Variants in CHADL observed in about 807,000 individuals in gnomAD.
The protein encoded by CHADL is chondroadherin-like protein.
Under a neutral mutation model 52.1 loss-of-function variants are expected in CHADL, and 48 were observed. The ratio of observed to expected loss-of-function variants is 0.92; its 90% CI spans 0.73 to 1.17. CHADL has a LOEUF of 1.17. Ranked by LOEUF, CHADL falls within the 50% of genes most tolerant of loss-of-function variation. The probability of loss-of-function intolerance (pLI) is 0.00; values close to 1 mark genes in which losing one functional copy is unlikely to be tolerated. For synonymous variants in CHADL, 498 were observed against 511.2 expected (o/e 0.97, Z 0.35); for missense variants, 977 against 1,035.1 (o/e 0.94, Z 0.77).
Position 41,237,661 on chromosome 22 carries a change from C to T in CHADL, c.1411G>A (p.Gly471Arg), listed in dbSNP as rs1295440099. 2.6e-6 allele frequency: 4 copies of T among 1,543,898 alleles called. No individual in the cohort carries two copies. Among genetic ancestry groups the T allele is most frequent in the Admixed American group, 2.0e-5 (1 of 50,462 alleles). ...TACAGGTAGATCAGGCGGCCCAGCC[C>T]GGCCAGGGCGCCCGCTTCCAGCTCC... The part of the protein sequence containing the change: ...IAELEAGALA[G>R]LGRLIYLYLS... Residue 471 changes from glycine to arginine, a missense_variant, in exon 3 of 6, where the codon GGG (glycine) becomes AGG (arginine). Coordinates refer to ENST00000216241, the MANE Select transcript of CHADL (RefSeq NM_138481.2).
chr22:41,238,551 G>A lies in CHADL; in HGVS notation c.521C>T (p.Pro174Leu), dbSNP rs2032798843. Reference sequence around the variant, plus strand: ...CAGTAGCCCCTGGAAGGCCATGGCGGGCAGGTAAACCAGGGCGTTGTGGGC... The same window carrying A: ...CAGTAGCCCCTGGAAGGCCATGGCGAGCAGGTAAACCAGGGCGTTGTGGGC... ...NLAHNALVYL[P>L]AMAFQGLLRV... Residue 174 changes from proline (P) to leucine (L), a missense_variant, in exon 3 of 6, where the codon CCC becomes CTC. By Grantham distance (98) the Pro-to-Leu change is moderately conservative (BLOSUM62 -3). Coordinates refer to ENST00000216241, the MANE Select transcript of CHADL (RefSeq NM_138481.2). The surrounding 1 kb of genome is among the most constrained non-coding windows in gnomAD (Gnocchi z 4.9). 6.5e-7 allele frequency: 1 copy of A among 1,546,166 alleles called. No homozygotes were observed. Among genetic ancestry groups the A allele is most frequent in the Non-Finnish European group, 8.7e-7 (1 of 1,146,320 alleles).
At chr22:41,229,806 G>C (rs987622910) in intron 5 of CHADL, 76 bp from the exon 6 acceptor site, 6 of 1,355,928 alleles carry the variant, frequency 4.4e-6, no homozygotes, top group East Asian at 5.0e-5. Context: ...CTGGACCCAG[G>C]GTGTTTCCCA....
Position 41,238,044 on chromosome 22 carries a change from C to T in CHADL, c.1028G>A (p.Arg343Gln). 2.4e-6 allele frequency: 3 copies of T among 1,273,220 alleles called. No individual in the cohort carries two copies. Among genetic ancestry groups the T allele is most frequent in the Non-Finnish European group, 2.9e-6 (3 of 1,017,016 alleles). 78.9% of individuals were successfully genotyped at this position (1,273,220 alleles called of 1,614,324 possible). A position where few individuals can be genotyped will look rare whatever the true frequency, so the allele number is the denominator to read the frequency against. Residue 343 changes from arginine (R) to glutamine (Q), a missense_variant, in exon 3 of 6, where the codon CGG becomes CAG. Arg to Gln is a conservative substitution (Grantham distance 43, BLOSUM62 1). Transcript: ENST00000216241. The surrounding 1 kb of genome is among the most constrained non-coding windows in gnomAD (Gnocchi z 4.9). Reference sequence around the variant, plus strand: ...CCGCAGGGCGTCCAGAGCCTCGCCCCGCAGGCGCCGCGGCCCCTGGCACGC... The same window carrying T: ...CCGCAGGGCGTCCAGAGCCTCGCCCTGCAGGCGCCGCGGCCCCTGGCACGC... ...DGACQGPRRL[R>Q]GEALDALRPW...
chr22:41,229,721 C>G lies in CHADL; in HGVS notation c.2272G>C (p.Glu758Gln). 2 of 1,611,884 alleles carry G rather than the reference C, an allele frequency of 1.2e-6. No homozygotes were observed. The highest frequency in any genetic ancestry group is 1.7e-6 in the Non-Finnish European group (2 of 1,179,776). Residue 758 changes from glutamate (E) to glutamine (Q), a missense_variant, in exon 6 of 6, where the codon GAG (glutamate) becomes CAG (glutamine). Glu to Gln is a conservative substitution (Grantham distance 29). Transcript: ENST00000216241. ...RQCGADKVGK[E>Q]KGRL ...CTCCGTGCTCAGAGACGACCCTTCTCCTTCCCCACCTGGGCACAGAAGAGT... is the reference window on the plus strand; with the variant it reads ...CTCCGTGCTCAGAGACGACCCTTCTGCTTCCCCACCTGGGCACAGAAGAGT...
chr22:41,235,568 C>G (rs538541639), intron 4 of CHADL, among the ~76,000 whole-genome samples: 12 of 152,314 alleles, frequency 7.9e-5, no homozygotes, highest in African/African-American at 2.9e-4. Context: ...GCAGGCTCTG[C>G]TGAGAATCTT....
At chr22:41,235,105 C>T in intron 5 of CHADL, 40 bp downstream of exon 5, 1 of 1,542,304 alleles carries the variant, frequency 6.5e-7, no homozygotes, top group South Asian at 1.2e-5. Flanking sequence ...ACCTGGCCCA[C>T]CACCCACCAA....
intron 5 of CHADL, 71 bp from the exon 6 acceptor site, chr22:41,229,801 C>CTG: frequency 1.4e-6 from 2 of 1,390,128 alleles, no homozygotes; most frequent in South Asian, 1.2e-5. Flanking sequence ...TACCACTGGA[C>CTG]CCAGGGTGTT....
intron 5 of CHADL, among the ~76,000 whole-genome samples, chr22:41,232,108 G>A (rs1003717951): frequency 8.5e-5 from 13 of 152,136 alleles, no homozygotes; most frequent in East Asian, 7.7e-4. Flanking sequence ...CACGGCGGGC[G>A]GATCACAAGG....
At position 41,235,166 on chromosome 22, in the gene CHADL, T is replaced by C; in HGVS notation, c.2241A>G (p.Gly747=). 6.4e-7 allele frequency: 1 copy of C among 1,551,464 alleles called. No homozygotes were observed. Residue 747 remains glycine (G), a synonymous_variant, in exon 5 of 6, where the codon GGA becomes GGG. Transcript: ENST00000216241. ...RPSARRTPIK[G]RQCGADKVGK... ...CAACCTTATCTGCTCCACACTGTCT[T>C]CCTTTGATGGGGGTTCTCCTGGCAC...
Position 41,237,982 on chromosome 22 carries a change from C to A in CHADL, c.1090G>T (p.Glu364Ter). 1 of 1,260,234 alleles carries A rather than the reference C, an allele frequency of 7.9e-7. No individual in the cohort carries two copies. The highest frequency in any genetic ancestry group is 3.3e-5 in the East Asian group (1 of 30,268). 78.1% of individuals were successfully genotyped at this position (1,260,234 alleles called of 1,614,324 possible). The change falls in exon 3 of 6, where the codon GAA (glutamate) becomes TAA (stop). Residue 364 changes from glutamate to a stop codon, truncating the protein, a stop_gained. Transcript: ENST00000216241. LOFTEE classifies it high-confidence loss of function. Reference sequence around the variant, plus strand: ...GCCCGCTCTTCCAGCTCTTCCTCTTCCTGCGCCGCGTCCCCAGGGCAGCGC... The same window carrying A: ...GCCCGCTCTTCCAGCTCTTCCTCTTACTGCGCCGCGTCCCCAGGGCAGCGC... ...DLRCPGDAAQ[E>*]EEELEERAVA...
chr22:41,239,269 G>A (rs1188480651), intron 2 of CHADL, among the ~76,000 whole-genome samples, 174 bp downstream of exon 2: 2 of 152,210 alleles, frequency 1.3e-5, no homozygotes, highest in East Asian at 3.8e-4. Context: ...CCCTGTTACT[G>A]GTTTTTATTA....
At chr22:41,232,124 A>C (rs1027849675) in intron 5 of CHADL, among the ~76,000 whole-genome samples, 3 of 151,648 alleles carry the variant, frequency 2.0e-5, no homozygotes, top group African/African-American at 4.8e-5. Flanking sequence ...CAAGGTCAGG[A>C]GATCGAGACC....
chr22:41,235,340 C>T lies in CHADL; in HGVS notation c.2067G>A (p.Trp689Ter), dbSNP rs918762137. The change falls in exon 5 of 6, where the codon TGG becomes TGA. Residue 689 changes from tryptophan to a stop codon, truncating the protein, a stop_gained. Coordinates refer to ENST00000216241, the MANE Select transcript of CHADL (RefSeq NM_138481.2). LOFTEE classifies it high-confidence loss of function. The stretch of plus-strand genomic sequence containing the variant: ...CCACCCGCAGGTTCAGCCCAGTAAG[C>T]CACCTGAAGAGAAAAGAGAGCTGGG... ...CDCQLLPLHR[W>*]LTGLNLRVGA... The T allele has an allele frequency of 6.5e-6, 10 of 1,550,238 alleles. No homozygotes were observed. The highest frequency in any genetic ancestry group is 4.1e-5 in the African/African-American group (3 of 73,042).
Position 41,239,552 on chromosome 22 carries a change from C to G in CHADL, c.77G>C (p.Arg26Thr). The change falls in exon 2 of 6, where the codon AGG becomes ACG. Residue 26 changes from arginine (R) to threonine (T), a missense_variant. Transcript: ENST00000216241. Reference sequence around the variant, plus strand: ...TGGGCAGCGCTGGGCGGCGGCCTGCCTAGCCGGGGCCAGCAGCAGAAGTAC... The same window carrying G: ...TGGGCAGCGCTGGGCGGCGGCCTGCGTAGCCGGGGCCAGCAGCAGAAGTAC... ...LLVLLLLAPA[R>T]QAAAQRCPQA... is the part of the protein sequence containing the mutation. The G allele has an allele frequency of 6.5e-7, 1 of 1,548,244 alleles. No individual in the cohort carries two copies. Among genetic ancestry groups the G allele is most frequent in the Non-Finnish European group, 8.7e-7 (1 of 1,145,864 alleles).
chr22:41,239,049 G>A (rs2032812554), intron 2 of CHADL, among the ~76,000 whole-genome samples, 164 bp from the exon 3 acceptor site: 1 of 152,094 alleles, frequency 6.6e-6, no homozygotes, highest in Non-Finnish European at 1.5e-5. Context: ...CAGTGCCCTG[G>A]GCATCACCCA....
At chr22:41,231,303 A>G (rs2032578048) in intron 5 of CHADL, 1 of 152,068 alleles carries the variant, frequency 6.6e-6, no homozygotes, top group African/African-American at 2.4e-5. Context: ...TTCCTTGCAG[A>G]TTGTGTTCTG....
rs2032822576 is a variant in CHADL, at chr22:41,239,458, T to C, written c.171A>G (p.Pro57=). Residue 57 remains proline (P), a synonymous_variant, in exon 2 of 6, where the codon CCA becomes CCG. Coordinates refer to ENST00000216241, the MANE Select transcript of CHADL (RefSeq NM_138481.2). ...CCCTGCTGACCTCAGGGATGGCGTC[T>C]GGCACCTCAGTGAGGTTCTGGTACC... The part of the protein sequence containing the change: ...ACRYQNLTEV[P]DAIPELTQRL... 1 of 1,550,920 alleles carries C rather than the reference T, an allele frequency of 6.4e-7. No individual in the cohort carries two copies. The highest frequency in any genetic ancestry group is 8.7e-7 in the Non-Finnish European group (1 of 1,146,838).
intron 5 of CHADL, 146 bp downstream of exon 5, chr22:41,234,999 A>C: frequency 1.2e-6 from 1 of 805,732 alleles, no homozygotes; most frequent in Non-Finnish European, 1.9e-6. Context: ...TCGGATGGAC[A>C]TTATTGAACT....
chr22:41,234,932 G>A (rs1314534350), intron 5 of CHADL, among the ~76,000 whole-genome samples: 3 of 152,090 alleles, frequency 2.0e-5, no homozygotes, highest in East Asian at 1.9e-4. Flanking sequence ...CTCGTGATCC[G>A]CCCACCTCGG....
Sources: gnomAD v4.1 joint callset for allele counts (sites outside exome capture counted in the v4.1 genomes callset) on GRCh38, gnomAD v4.1.1 for gene constraint, Gnocchi (gnomAD v3.1) non-coding constraint, MANE v1.5 for transcripts, NCBI Gene and HGNC (gene_info 2026-07-23, HGNC 2026-07-21) for gene names.